Variants in ZNF892 observed in about 807,000 individuals in gnomAD.
The protein encoded by ZNF892 is zinc finger protein 570-like.
chr2:95,260,379 G>A, the ZNF892 span, among the ~76,000 whole-genome samples: 2 of 152,004 alleles, frequency 1.3e-5, no homozygotes, highest in African/African-American at 4.8e-5. Flanking sequence ...CCTTCTCCCT[G>A]ATCTAGCCTA....
the ZNF892 span, among the ~76,000 whole-genome samples, chr2:95,210,438 A>G: frequency 6.6e-6 from 1 of 152,132 alleles, no homozygotes; most frequent in East Asian, 1.9e-4. Context: ...TATCAGCACT[A>G]ACAGATTCAA....
chr2:95,257,730 C>G, the ZNF892 span, among the ~76,000 whole-genome samples: 1 of 152,322 alleles, frequency 6.6e-6, no homozygotes, highest in South Asian at 2.1e-4. Flanking sequence ...TTCGAGCTTC[C>G]CTGCTGCTTT....
chr2:95,243,182 C>T, the ZNF892 span, among the ~76,000 whole-genome samples: 29 of 152,122 alleles, frequency 1.9e-4, no homozygotes, highest in Admixed American at 7.2e-4. Context: ...AGTGCAGTGG[C>T]GTGATCTCGG....
chr2:95,221,471 G>A, the ZNF892 span, among the ~76,000 whole-genome samples: 13 of 152,172 alleles, frequency 8.5e-5, 1 homozygote, highest in African/African-American at 3.1e-4. Context: ...CATCTCTGGG[G>A]GAGTTTGTGT....
chr2:95,207,534 G>C, the ZNF892 span: 1 of 341,334 alleles, frequency 2.9e-6, no homozygotes, highest in Non-Finnish European at 5.3e-6. Context: ...TCGGCCTCAT[G>C]GTTGGCCGGC....
chr2:95,235,274 T>G, the ZNF892 span, among the ~76,000 whole-genome samples: 2 of 152,110 alleles, frequency 1.3e-5, no homozygotes. Context: ...CCTTGGATGA[T>G]AGAATGGAGA....
the ZNF892 span, among the ~76,000 whole-genome samples, chr2:95,227,873 GGGATTATA>G: frequency 1.3e-5 from 2 of 152,074 alleles, no homozygotes; most frequent in African/African-American, 4.8e-5. Flanking sequence ...CCAAAGTGCT[GGGATTATA>G]GCATGTGTCT....
chr2:95,256,270 A>G, the ZNF892 span, among the ~76,000 whole-genome samples: 2 of 152,088 alleles, frequency 1.3e-5, no homozygotes, highest in Admixed American at 6.5e-5. Flanking sequence ...AGGCCTGGTG[A>G]TGACAAAATC....
At chr2:95,210,219 GTA>G in the ZNF892 span, among the ~76,000 whole-genome samples, 2 of 146,314 alleles carry the variant, frequency 1.4e-5, no homozygotes, top group Non-Finnish European at 3.0e-5. Context: ...GTGTATATAT[GTA>G]TATATATGTG....
the ZNF892 span, among the ~76,000 whole-genome samples, chr2:95,252,913 G>A: frequency 1.1e-3 from 163 of 152,220 alleles, no homozygotes; most frequent in Non-Finnish European, 2.1e-3. Flanking sequence ...CATATCCTTC[G>A]CCCACTTGTT....
the ZNF892 span, among the ~76,000 whole-genome samples, chr2:95,242,964 C>T: frequency 1.3e-5 from 2 of 152,218 alleles, no homozygotes; most frequent in African/African-American, 4.8e-5. Flanking sequence ...ATTCTCCTGC[C>T]TCAGCCTGCC....
the ZNF892 span, among the ~76,000 whole-genome samples, chr2:95,213,839 G>A: frequency 2.0e-5 from 3 of 152,038 alleles, no homozygotes; most frequent in African/African-American, 4.8e-5. Context: ...GCAGTGGTTG[G>A]GACATATTGG....
At chr2:95,210,507 G>A in the ZNF892 span, among the ~76,000 whole-genome samples, 2 of 152,090 alleles carry the variant, frequency 1.3e-5, no homozygotes, top group African/African-American at 4.8e-5. Context: ...ACTAAACTTT[G>A]TGTCTGTCAT....
the ZNF892 span, among the ~76,000 whole-genome samples, chr2:95,224,777 G>C: frequency 6.6e-6 from 1 of 152,174 alleles, no homozygotes; most frequent in African/African-American, 2.4e-5. Flanking sequence ...GGTTCTGGGA[G>C]GTAGGGCCTA....
the ZNF892 span, among the ~76,000 whole-genome samples, chr2:95,219,680 G>A: frequency 2.3e-4 from 35 of 152,144 alleles, no homozygotes; most frequent in African/African-American, 8.0e-4. Flanking sequence ...ATGAGATTTG[G>A]TATCCTATTT....
the ZNF892 span, among the ~76,000 whole-genome samples, chr2:95,226,311 G>A: frequency 6.6e-6 from 1 of 152,342 alleles, no homozygotes; most frequent in East Asian, 1.9e-4. Flanking sequence ...CTAGTACTAT[G>A]TTGAATAGAA....
At chr2:95,221,507 T>C in the ZNF892 span, among the ~76,000 whole-genome samples, 1 of 152,224 alleles carries the variant, frequency 6.6e-6, no homozygotes, top group Non-Finnish European at 1.5e-5. Context: ...TGCATTCATC[T>C]GTTAAACTGG....
the ZNF892 span, chr2:95,215,739 T>C: frequency 2.5e-6 from 1 of 397,050 alleles, no homozygotes; most frequent in Non-Finnish European, 4.4e-6. Flanking sequence ...GGAGGTAACA[T>C]GATTAGACTG....
the ZNF892 span, among the ~76,000 whole-genome samples, chr2:95,213,999 G>T: frequency 6.6e-6 from 1 of 152,034 alleles, no homozygotes; most frequent in Non-Finnish European, 1.5e-5. Flanking sequence ...ATCTCCTCTA[G>T]ATCCTTTTTT....
Sources: allele counts gnomAD v4.1 joint callset (sites outside exome capture counted in the v4.1 genomes callset), GRCh38; gene constraint gnomAD v4.1.1; transcripts MANE v1.5; gene names NCBI Gene and HGNC (gene_info 2026-07-23, HGNC 2026-07-21).